AGBL4: variants seen among roughly 807,000 people sequenced by gnomAD.
AGBL4 encodes AGBL carboxypeptidase 4, also known as cytosolic carboxypeptidase 6.
AGBL4 carries 58 observed loss-of-function variants against 66.4 expected under a neutral mutation model. The observed-to-expected ratio is 0.87, with a 90% CI of 0.71 to 1.09. The LOEUF is 1.09. AGBL4 is among the 50% of genes least tolerant of loss of function. The pLI, the probability that AGBL4 is intolerant of heterozygous loss-of-function variation, is 0.00. For synonymous variants in AGBL4, 234 were observed against 222.9 expected, an observed-to-expected ratio of 1.05 and a Z score of -0.44; for missense variants, 579 against 631.0, an observed-to-expected ratio of 0.92 and a Z score of 0.88.
At chr1:49,916,012 C>T (rs1299475934) in intron 1 of AGBL4, among the ~76,000 whole-genome samples, 2 of 152,190 alleles carry the variant, frequency 1.3e-5, no homozygotes, top group Admixed American at 6.5e-5. Flanking sequence ...AACAGACCTT[C>T]AGCTGAGGGA....
At chr1:49,992,267 G>T (rs1336944663) in intron 1 of AGBL4, among the ~76,000 whole-genome samples, 2 of 151,922 alleles carry the variant, frequency 1.3e-5, no homozygotes, top group Non-Finnish European at 2.9e-5. Context: ...AGCTACTCAG[G>T]AGGCTGAGGC....
At position 48,856,428 on chromosome 1, in the gene AGBL4, C is replaced by T. The variant is rs534879814; in HGVS notation, c.634+10763G>A. Among the ~76,000 whole-genome samples the T allele has an allele frequency of 2.6e-4, 40 of 152,268 alleles. No homozygotes were observed. The South Asian group carries it at 7.5e-3, about 28-fold the overall frequency. On this transcript the variant is annotated intron_variant, in intron 6 of 13. Coordinates refer to ENST00000371839, the MANE Select transcript of AGBL4 (RefSeq NM_032785.4). ...GGATTAGGAGTAATTTATTTTTCTT[C>T]TCTAAAGATGATTTTAAAGCTGTTT...
intron 6 of AGBL4, among the ~76,000 whole-genome samples, chr1:48,690,239 G>A (rs1646607979): frequency 2.0e-5 from 3 of 152,196 alleles, no homozygotes; most frequent in Admixed American, 2.0e-4. Context: ...GGACTGGAGG[G>A]TCATGAGCAC....
intron 3 of AGBL4, among the ~76,000 whole-genome samples, chr1:49,438,436 CAGTT>C (rs964654823): frequency 2.0e-5 from 3 of 152,160 alleles, no homozygotes; most frequent in African/African-American, 7.2e-5. Flanking sequence ...TGGCAGGAAA[CAGTT>C]AGCCCTTGTA....
At chr1:48,631,149 G>GA (rs2148410219) in intron 9 of AGBL4, among the ~76,000 whole-genome samples, 1 of 152,220 alleles carries the variant, frequency 6.6e-6, no homozygotes, top group African/African-American at 2.4e-5. Context: ...TGTGCATTTA[G>GA]AAAAAAGCCC....
intron 3 of AGBL4, among the ~76,000 whole-genome samples, chr1:49,519,778 G>C (rs1650109568): frequency 6.6e-6 from 1 of 152,054 alleles, no homozygotes; most frequent in Non-Finnish European, 1.5e-5. Context: ...ACTCAAATGA[G>C]ACTATGCAAA....
At chr1:49,724,546 C>T (rs562712400) in intron 2 of AGBL4, among the ~76,000 whole-genome samples, 1 of 152,210 alleles carries the variant, frequency 6.6e-6, no homozygotes, top group Admixed American at 6.5e-5. Context: ...CAATAGAGAA[C>T]TTAATCCGGT....
At chr1:49,293,332 C>T (rs907258139) in intron 3 of AGBL4, among the ~76,000 whole-genome samples, 25 of 152,314 alleles carry the variant, frequency 1.6e-4, no homozygotes, top group Middle Eastern at 3.4e-3. Context: ...TAGCATGAGC[C>T]GAGTGTAGCC....
chr1:49,639,039 C>A (rs1313928927), intron 3 of AGBL4, among the ~76,000 whole-genome samples: 1 of 152,000 alleles, frequency 6.6e-6, no homozygotes, highest in Non-Finnish European at 1.5e-5. Context: ...GTAAGGATCC[C>A]AATACAAACC....
intron 2 of AGBL4, among the ~76,000 whole-genome samples, chr1:49,801,185 C>T (rs1198164105): frequency 2.0e-5 from 3 of 152,146 alleles, no homozygotes; most frequent in Non-Finnish European, 4.4e-5. Flanking sequence ...ATGGGGAACT[C>T]CATTTAACAA....
At chr1:48,722,329 A>G (rs981025260) in intron 6 of AGBL4, among the ~76,000 whole-genome samples, 3 of 152,208 alleles carry the variant, frequency 2.0e-5, no homozygotes, top group African/African-American at 7.2e-5. Flanking sequence ...AAGGATGGGG[A>G]GGACTAAAGA....
chr1:48,686,891 C>T (rs931247055), intron 6 of AGBL4, among the ~76,000 whole-genome samples: 1 of 152,230 alleles, frequency 6.6e-6, no homozygotes, highest in Non-Finnish European at 1.5e-5. Flanking sequence ...TCTGGAGATA[C>T]TTCCACAAGG....
chr1:49,840,690 T>A (rs907431760), intron 2 of AGBL4, among the ~76,000 whole-genome samples: 2 of 152,130 alleles, frequency 1.3e-5, no homozygotes, highest in African/African-American at 4.8e-5. Context: ...CAGGCTTTAT[T>A]CCCAGGATGA....
At chr1:49,959,974 T>C (rs1242627707) in intron 1 of AGBL4, among the ~76,000 whole-genome samples, 1 of 151,540 alleles carries the variant, frequency 6.6e-6, no homozygotes, top group Non-Finnish European at 1.5e-5. Flanking sequence ...GAAGAATACA[T>C]GAATACTAGG....
At chr1:48,608,750 A>G (rs1645191460) in intron 9 of AGBL4, among the ~76,000 whole-genome samples, 1 of 152,176 alleles carries the variant, frequency 6.6e-6, no homozygotes, top group Non-Finnish European at 1.5e-5. Context: ...ATTGTTTCTG[A>G]TTTATTATAA....
At chr1:49,667,331 G>A (rs140445890) in intron 3 of AGBL4, among the ~76,000 whole-genome samples, 7 of 152,058 alleles carry the variant, frequency 4.6e-5, no homozygotes, top group South Asian at 2.1e-4. Flanking sequence ...GGTGGCACGT[G>A]CCTATAGTTA....
At position 49,357,547 on chromosome 1, in the gene AGBL4, A is replaced by G. The variant is rs75281475; in HGVS notation, c.283-111683T>C. On this transcript the variant is annotated intron_variant, in intron 3 of 13. Coordinates refer to ENST00000371839, the MANE Select transcript of AGBL4 (RefSeq NM_032785.4). ...ACAGGTACTAGAGTAAGAATATTCA[A>G]CCTCTATTAAATGGTTCCTATATTC... Among the ~76,000 whole-genome samples the G allele has an allele frequency of 6.6e-5, 10 of 152,122 alleles. No individual in the cohort carries two copies. The East Asian group carries it at 1.9e-3, about 29-fold the overall frequency.
chr1:49,258,594 G>A (rs1652780199), intron 3 of AGBL4, among the ~76,000 whole-genome samples: 1 of 151,972 alleles, frequency 6.6e-6, no homozygotes, highest in South Asian at 2.1e-4. Context: ...AGTGAGAAGG[G>A]AAGTTTAGAG....
At chr1:49,704,400 T>C (rs981491054) in intron 2 of AGBL4, among the ~76,000 whole-genome samples, 5 of 152,038 alleles carry the variant, frequency 3.3e-5, no homozygotes, top group South Asian at 2.1e-4. Context: ...TAATGAGTAA[T>C]GTTCAATATA....
Sources: allele counts gnomAD v4.1 joint callset (sites outside exome capture counted in the v4.1 genomes callset), GRCh38; gene constraint gnomAD v4.1.1; transcripts MANE v1.5; gene names NCBI Gene and HGNC (gene_info 2026-07-23, HGNC 2026-07-21).